Variants in MAP3K10 observed in about 807,000 individuals in gnomAD.
MAP3K10 encodes the protein mitogen-activated protein kinase kinase kinase 10.
Under a neutral mutation model 75.0 loss-of-function variants are expected in MAP3K10, and 22 were observed. The ratio of observed to expected loss-of-function variants is 0.29; its 90% CI spans 0.21 to 0.42. MAP3K10 has a LOEUF of 0.42. MAP3K10 is among the 10% of genes least tolerant of loss of function. The pLI is 1.00. For synonymous variants in MAP3K10, 599 were observed against 612.9 expected (o/e 0.98, Z 0.34); for missense variants, 1,165 against 1,379.8 (o/e 0.84, Z 2.47).
intron 6 of MAP3K10, among the ~76,000 whole-genome samples, chr19:40,211,479 T>G (rs1455627458): frequency 6.6e-6 from 1 of 151,930 alleles, no homozygotes; most frequent in Non-Finnish European, 1.5e-5. Context: ...ACCCATCACC[T>G]AGGTAGTAAG....
chr19:40,207,462 G>A lies in MAP3K10; in HGVS notation c.1435+1305G>A, dbSNP rs571086260. Among the ~76,000 whole-genome samples, 24 of 152,284 alleles carry A rather than the reference G, an allele frequency of 1.6e-4. No individual in the cohort carries two copies. In the East Asian group the frequency reaches 4.2e-3, roughly 27 times the overall value. ...TTTAATATTTTTTATTAGGCCAGGTGGGGTGGCTCACGTCTGTAATCCCAG... is the reference window on the plus strand; with the variant it reads ...TTTAATATTTTTTATTAGGCCAGGTAGGGTGGCTCACGTCTGTAATCCCAG... On this transcript the variant is annotated intron_variant, in intron 5 of 9. Coordinates refer to ENST00000253055, the MANE Select transcript of MAP3K10 (RefSeq NM_002446.4).
intron 5 of MAP3K10, among the ~76,000 whole-genome samples, chr19:40,208,252 A>C (rs1973159677): frequency 6.6e-6 from 1 of 151,138 alleles, no homozygotes; most frequent in Non-Finnish European, 1.5e-5. Context: ...GCTCACTGCA[A>C]GCTCTGCCTC....
chr19:40,209,317 GA>G (rs756577992), intron 6 of MAP3K10, 98 bp downstream of exon 6: 162 of 838,914 alleles, frequency 1.9e-4, no homozygotes, highest in Non-Finnish European at 2.9e-4. Flanking sequence ...GTAACAGCAA[GA>G]AAGAAGACAG....
At position 40,206,103 on chromosome 19, in the gene MAP3K10, C is replaced by A; in HGVS notation, c.1381C>A (p.Arg461Ser). ...CCGCAAGCGCAAGGGCAACTTCAAG[C>A]GCAGCCGCCTGCTCAAGCTGCGGGA... ...RVRKRKGNFK[R>S]SRLLKLREGG... The change falls in exon 5 of 10, where the codon CGC becomes AGC. Residue 461 changes from arginine (R) to serine (S), a missense_variant. Arg to Ser is a moderately radical substitution (Grantham distance 110, BLOSUM62 -1). Around this residue, in one of 2 missense-constraint regions of MAP3K10, gnomAD observed 575 missense variants for 793.2 expected, o/e 0.72. Transcript: ENST00000253055. 2 of 1,612,794 alleles carry A rather than the reference C, an allele frequency of 1.2e-6. No individual in the cohort carries two copies. The highest frequency in any genetic ancestry group is 1.7e-6 in the Non-Finnish European group (2 of 1,179,430).
At chr19:40,209,241 G>T in intron 6 of MAP3K10, 22 bp downstream of exon 6, 1 of 1,589,414 alleles carries the variant, frequency 6.3e-7, no homozygotes, top group South Asian at 1.1e-5. Flanking sequence ...CCAAGGCCCT[G>T]ACCAGTCAGT....
Position 40,198,559 on chromosome 19 carries a change from C to A in MAP3K10, c.863+4C>A, listed in dbSNP as rs755959692. ...CCAAAAGCAGTGATGTCTGGAGGTGCTGAAAGGCGCGGCCGGGATGGCCTC... is the reference window on the plus strand; with the variant it reads ...CCAAAAGCAGTGATGTCTGGAGGTGATGAAAGGCGCGGCCGGGATGGCCTC... On this transcript the variant is annotated splice_donor_region_variant and intron_variant, in intron 2 of 9. Coordinates refer to ENST00000253055, the MANE Select transcript of MAP3K10 (RefSeq NM_002446.4). This position sits in a 1 kb window ranked among gnomAD's most constrained non-coding sequence, Gnocchi z 4.3. 8.1e-6 allele frequency: 13 copies of A among 1,604,520 alleles called. No individual in the cohort carries two copies. The highest frequency in any genetic ancestry group is 1.1e-5 in the Non-Finnish European group (13 of 1,173,404).
Position 40,192,532 on chromosome 19 carries a change from C to G in MAP3K10, c.501C>G (p.Pro167=), listed in dbSNP as rs772995700. The G allele has an allele frequency of 1.2e-5, 20 of 1,613,472 alleles. No individual in the cohort carries two copies. In the South Asian group the frequency reaches 2.1e-4, roughly 17 times the overall value. The change falls in exon 1 of 10, where the codon CCC becomes CCG. Residue 167 remains proline (P), a synonymous_variant. Transcript: ENST00000253055. This position sits in a 1 kb window ranked among gnomAD's most constrained non-coding sequence, Gnocchi z 7.1. Reference sequence around the variant, plus strand: ...CCCTTAGGGGCGCCTGCCTCAACCCCCCACACCTCTGCCTAGTGATGGAGT... The same window carrying G: ...CCCTTAGGGGCGCCTGCCTCAACCCGCCACACCTCTGCCTAGTGATGGAGT... ...IIALRGACLN[P]PHLCLVMEYA...
intron 9 of MAP3K10, among the ~76,000 whole-genome samples, chr19:40,214,474 G>A (rs28648489): frequency 6.6e-6 from 1 of 152,164 alleles, no homozygotes; most frequent in Non-Finnish European, 1.5e-5. Context: ...CATGACCATC[G>A]CCAATTCTTA....
In MAP3K10 at chr19:40,204,278, C is replaced by T. The variant is rs189169482; in HGVS notation, c.864-207C>T. 3.6e-4 allele frequency among the ~76,000 whole-genome samples: 55 copies of T among 152,230 alleles called. No homozygotes were observed. The highest frequency in any genetic ancestry group is 9.7e-4 in the East Asian group (5 of 5,180). ...CAGGCAGGGGAGAGGGAAGACAGGC[C>T]GAGCAAAGGAGAGACATCAGAGAGC... is the stretch of plus-strand genomic sequence containing the variant. On this transcript the variant is annotated intron_variant, in intron 2 of 9. Transcript: ENST00000253055. The surrounding 1 kb of genome is among the most constrained non-coding windows in gnomAD (Gnocchi z 4.3).
chr19:40,209,062 T>C, intron 5 of MAP3K10, 41 bp from the exon 6 acceptor site: 8 of 1,459,260 alleles, frequency 5.5e-6, no homozygotes, highest in Non-Finnish European at 7.7e-6. Flanking sequence ...TGGTAATCCC[T>C]GGAACCATTT....
rs75429865 is a variant in MAP3K10 at position 40,202,809 on chromosome 19, G to A, written c.864-1676G>A. 6.3e-3 allele frequency among the ~76,000 whole-genome samples: 962 copies of A among 152,154 alleles called. 12 individuals are homozygous for A. Among genetic ancestry groups the A allele is most frequent in the African/African-American group, 0.022 (907 of 41,514 alleles). On this transcript the variant is annotated intron_variant, in intron 2 of 9. Transcript: ENST00000253055. ...CCCCTTCTTTTTGAGGATACTTCCT[G>A]GAAGCTAGTTGCCTACTACACCCCC... is the stretch of plus-strand genomic sequence containing the variant.
intron 9 of MAP3K10, among the ~76,000 whole-genome samples, chr19:40,214,592 T>C (rs1337481706): frequency 6.6e-6 from 1 of 152,166 alleles, no homozygotes; most frequent in Non-Finnish European, 1.5e-5. Flanking sequence ...TTTTAAGTTA[T>C]GGTTATTCTA....
In MAP3K10 at chr19:40,192,407, GCCGC is replaced by G. The variant is rs1568485653; in HGVS notation, c.380_383del (p.Ala127GlyfsTer10). 1 of 1,613,956 alleles carries G rather than the reference GCCGC, an allele frequency of 6.2e-7. No homozygotes were observed. On this transcript the variant is annotated frameshift_variant, in exon 1 of 10. Coordinates refer to ENST00000253055, the MANE Select transcript of MAP3K10 (RefSeq NM_002446.4). LOFTEE classifies it high-confidence loss of function. The surrounding 1 kb of genome is among the most constrained non-coding windows in gnomAD (Gnocchi z 7.1). ...GCGTGGCGAGGAGGTGGCAGTCAAG[GCCGC>G]CCGGCTGGACCCTGAGAAGGACCCG...
At chr19:40,199,234 A>G (rs1184117329) in intron 2 of MAP3K10, among the ~76,000 whole-genome samples, 2 of 152,214 alleles carry the variant, frequency 1.3e-5, no homozygotes, top group African/African-American at 4.8e-5. Context: ...GATATAGCAG[A>G]GAAGAAAAAT....
Position 40,212,666 on chromosome 19 carries a change from AG to A in MAP3K10, c.1553-136del. The A allele has an allele frequency of 9.6e-7, 1 of 1,037,578 alleles. No individual in the cohort carries two copies. Among genetic ancestry groups the A allele is most frequent in the East Asian group, 2.6e-5 (1 of 38,446 alleles). 64.3% of individuals were successfully genotyped at this position (1,037,578 alleles called of 1,614,324 possible). ...AGGGGGCTATGGGGAGATATATAGC[AG>A]GGAGGGTCATGACTGGAGTTCAAAA... On this transcript the variant is annotated intron_variant, in intron 6 of 9. Coordinates refer to ENST00000253055, the MANE Select transcript of MAP3K10 (RefSeq NM_002446.4). The surrounding 1 kb of genome is among the most constrained non-coding windows in gnomAD (Gnocchi z 4.2).
chr19:40,214,500 G>A (rs762579034), intron 9 of MAP3K10, among the ~76,000 whole-genome samples: 1 of 152,152 alleles, frequency 6.6e-6, no homozygotes, highest in African/African-American at 2.4e-5. Flanking sequence ...CCTAGACACT[G>A]TTCTCCTCCA....
chr19:40,209,000 G>A (rs558148449), intron 5 of MAP3K10, 103 bp from the exon 6 acceptor site: 41 of 796,290 alleles, frequency 5.1e-5, no homozygotes, highest in East Asian at 9.9e-5. Context: ...GAAAAATGGC[G>A]GTGTTCCCAT....
rs36102209 is a variant in MAP3K10, at chr19:40,192,534, C to A, written c.503C>A (p.Pro168Gln). 1.9e-3 allele frequency: 3,145 copies of A among 1,613,572 alleles called. 12 individuals carry two copies. Among genetic ancestry groups the A allele is most frequent in the Non-Finnish European group, 1.8e-3 (2,152 of 1,179,944 alleles). ...CTTAGGGGCGCCTGCCTCAACCCCC[C>A]ACACCTCTGCCTAGTGATGGAGTAT... is the stretch of plus-strand genomic sequence containing the variant. ...IALRGACLNP[P>Q]HLCLVMEYAR... The change falls in exon 1 of 10, where the codon CCA becomes CAA. Residue 168 changes from proline (P) to glutamine (Q), a missense_variant. Physicochemically the swap from Pro to Gln is moderately conservative, Grantham distance 76. This residue lies in a region of MAP3K10 where 575 missense variants were observed against 793.2 expected (regional missense o/e 0.72). Coordinates refer to ENST00000253055, the MANE Select transcript of MAP3K10 (RefSeq NM_002446.4). This position sits in a 1 kb window ranked among gnomAD's most constrained non-coding sequence, Gnocchi z 7.1.
At chr19:40,210,006 GC>G (rs1568493002) in intron 6 of MAP3K10, among the ~76,000 whole-genome samples, 1 of 152,016 alleles carries the variant, frequency 6.6e-6, no homozygotes, top group African/African-American at 2.4e-5. Flanking sequence ...GGTGGCTCAC[GC>G]CTGTAATTCC....
Sources: allele counts gnomAD v4.1 joint callset (sites outside exome capture counted in the v4.1 genomes callset), GRCh38; gene constraint gnomAD v4.1.1; regional missense constraint gnomAD v4.1.1; non-coding constraint Gnocchi (gnomAD v3.1); transcripts MANE v1.5; gene names NCBI Gene and HGNC (gene_info 2026-07-23, HGNC 2026-07-21).